ASPRV1: variants seen among roughly 807,000 people sequenced by gnomAD.
ASPRV1 encodes the protein retroviral-like aspartic protease 1.
A neutral mutation model predicts 11.0 loss-of-function variants in ASPRV1; 7 were observed. That is an observed-to-expected ratio of 0.64 (90% CI 0.36 to 1.20). ASPRV1 has a LOEUF of 1.20. ASPRV1 is among the 50% of genes most tolerant of loss of function. The pLI, the probability that ASPRV1 is intolerant of heterozygous loss-of-function variation, is 0.02. For missense variants in ASPRV1, 299 were observed against 320.0 expected, an observed-to-expected ratio of 0.93 and a Z score of 0.50; for synonymous variants, 136 against 138.4, an observed-to-expected ratio of 0.98 and a Z score of 0.12.
the ASPRV1 span, among the ~76,000 whole-genome samples, chr2:69,949,893 G>A: frequency 1.3e-5 from 2 of 152,206 alleles, no homozygotes; most frequent in African/African-American, 2.4e-5. Context: ...TCAGCTCACT[G>A]CAACCTCCGC....
chr2:69,936,629 A>C, the ASPRV1 span, among the ~76,000 whole-genome samples: 1 of 152,232 alleles, frequency 6.6e-6, no homozygotes, highest in South Asian at 2.1e-4. Context: ...TTATCTGAAG[A>C]ATATGAGAAG....
the ASPRV1 span, among the ~76,000 whole-genome samples, chr2:70,054,932 T>C: frequency 1.3e-5 from 2 of 152,182 alleles, no homozygotes; most frequent in African/African-American, 4.8e-5. Flanking sequence ...CATACATACA[T>C]ACATACATAT....
At chr2:69,936,872 TC>T in the ASPRV1 span, 1 of 427,566 alleles carries the variant, frequency 2.3e-6, no homozygotes, top group African/African-American at 2.0e-5. Flanking sequence ...AGTGCAGTTT[TC>T]TAGTCCGGAG....
the ASPRV1 span, chr2:69,996,800 G>A: frequency 2.2e-6 from 1 of 452,784 alleles, no homozygotes; most frequent in South Asian, 1.6e-5. Context: ...CGGACGGTCA[G>A]ATACTGTCCC....
chr2:69,994,764 G>A, the ASPRV1 span, among the ~76,000 whole-genome samples: 154 of 152,146 alleles, frequency 1.0e-3, no homozygotes, highest in Middle Eastern at 0.02. Flanking sequence ...TTGGGAGGCC[G>A]AGGAGGGCGG....
the ASPRV1 span, among the ~76,000 whole-genome samples, chr2:70,085,243 T>C: frequency 6.6e-6 from 1 of 152,174 alleles, no homozygotes; most frequent in African/African-American, 2.4e-5. Context: ...CAGAGGCAGG[T>C]AGGCTCAAAT....
chr2:69,964,172 C>A, upstream of ASPRV1: 1 of 314,596 alleles, frequency 3.2e-6, no homozygotes, highest in Non-Finnish European at 6.3e-6. Flanking sequence ...TAGTAACCTC[C>A]ACCCCTGCTT....
the ASPRV1 span, among the ~76,000 whole-genome samples, chr2:70,069,928 G>A: frequency 6.6e-6 from 1 of 152,126 alleles, no homozygotes; most frequent in African/African-American, 2.4e-5. Context: ...AAGTTTTTAA[G>A]TCTAAAAGGC....
At chr2:70,072,029 G>GCTA in the ASPRV1 span, among the ~76,000 whole-genome samples, 1 of 151,672 alleles carries the variant, frequency 6.6e-6, no homozygotes, top group Non-Finnish European at 1.5e-5. Context: ...TCAGCTCACT[G>GCTA]CTACCTCTGC....
At chr2:70,067,163 T>A in the ASPRV1 span, among the ~76,000 whole-genome samples, 5 of 152,192 alleles carry the variant, frequency 3.3e-5, no homozygotes, top group Non-Finnish European at 7.3e-5. Flanking sequence ...GGAAAATGAT[T>A]AGATTCAAGA....
chr2:70,072,439 G>A, the ASPRV1 span, among the ~76,000 whole-genome samples: 1 of 151,306 alleles, frequency 6.6e-6, no homozygotes, highest in African/African-American at 2.4e-5. Context: ...AAAAGGCCAG[G>A]TGGCTGGGCG....
chr2:69,981,731 G>A, the ASPRV1 span, among the ~76,000 whole-genome samples: 1 of 152,076 alleles, frequency 6.6e-6, no homozygotes, highest in Non-Finnish European at 1.5e-5. Context: ...TAATTTTTTT[G>A]TATTTTTAGT....
the ASPRV1 span, among the ~76,000 whole-genome samples, chr2:69,953,312 C>G: frequency 1.3e-5 from 2 of 152,306 alleles, no homozygotes; most frequent in Non-Finnish European, 2.9e-5. Context: ...GTGGTCAGTC[C>G]TGGGGATAAC....
At chr2:69,937,448 C>CACGG in the ASPRV1 span, 21 of 1,514,038 alleles carry the variant, frequency 1.4e-5, 1 homozygote, top group Non-Finnish European at 1.6e-5. Context: ...AACCCCAGAG[C>CACGG]AGGGGTTCAG....
At chr2:70,062,199 G>A in the ASPRV1 span, among the ~76,000 whole-genome samples, 3 of 151,936 alleles carry the variant, frequency 2.0e-5, no homozygotes, top group Non-Finnish European at 4.4e-5. Context: ...CAGCTACTTG[G>A]GAGGTTGAGG....
At chr2:70,022,358 CACTT>C in the ASPRV1 span, among the ~76,000 whole-genome samples, 71 of 90,972 alleles carry the variant, frequency 7.8e-4, no homozygotes, top group Non-Finnish European at 1.0e-3. Flanking sequence ...CACACACACA[CACTT>C]ACACACACAC....
chr2:69,991,975 C>T, the ASPRV1 span, among the ~76,000 whole-genome samples: 2 of 152,212 alleles, frequency 1.3e-5, no homozygotes, highest in Admixed American at 1.3e-4. Context: ...GCTTTGGGGG[C>T]TCTGGCCAAC....
chr2:70,010,486 A>C, the ASPRV1 span, among the ~76,000 whole-genome samples: 1 of 152,132 alleles, frequency 6.6e-6, no homozygotes, highest in Non-Finnish European at 1.5e-5. Context: ...GGGGAACTGA[A>C]AGCAGTTCAA....
the ASPRV1 span, chr2:69,968,331 A>C: frequency 6.6e-6 from 1 of 152,104 alleles, no homozygotes; most frequent in Non-Finnish European, 1.5e-5. Context: ...CCAGGAGTTC[A>C]AGGCCAACAT....
Sources: allele counts gnomAD v4.1 joint callset (sites outside exome capture counted in the v4.1 genomes callset), GRCh38; gene constraint gnomAD v4.1.1; transcripts MANE v1.5; gene names NCBI Gene and HGNC (gene_info 2026-07-23, HGNC 2026-07-21).